Variants in FGL1 observed in about 807,000 individuals in gnomAD.
FGL1 encodes the protein fibrinogen like 1.
In FGL1, 59 loss-of-function variants were observed where a neutral mutation model predicts 43.7. The ratio of observed to expected loss-of-function variants is 1.35; its 90% CI spans 1.10 to 1.68. The LOEUF (loss-of-function observed/expected upper bound fraction) is 1.68. Among genes scored for constraint, FGL1 ranks in the 40% most tolerant of loss-of-function variants. FGL1 has a pLI of 0.00. For synonymous variants in FGL1, 192 were observed against 126.5 expected, an observed-to-expected ratio of 1.52 and a Z score of -3.48; for missense variants, 596 against 373.0, an observed-to-expected ratio of 1.60 and a Z score of -4.92.
intron 1 of FGL1, among the ~76,000 whole-genome samples, chr8:17,892,113 C>T (rs13253029): frequency 0.52 from 78,612 of 151,938 alleles, 23,123 homozygotes; most frequent in Non-Finnish European, 0.68. Flanking sequence ...AGCTATGTTG[C>T]TTTTTAAATT....
intron 5 of FGL1, among the ~76,000 whole-genome samples, chr8:17,872,096 G>C (rs190945180): frequency 1.3e-5 from 2 of 151,924 alleles, no homozygotes; most frequent in Non-Finnish European, 2.9e-5. Context: ...GAAAGGAAGC[G>C]TTATGTAAAT....
At chr8:17,888,564 A>G (rs1411978437) in intron 1 of FGL1, among the ~76,000 whole-genome samples, 1 of 152,198 alleles carries the variant, frequency 6.6e-6, no homozygotes, top group East Asian at 1.9e-4. Flanking sequence ...TTAGGAGCAA[A>G]TACATTTTCA....
chr8:17,871,130 G>T (rs17125769), intron 5 of FGL1, among the ~76,000 whole-genome samples: 1,646 of 152,148 alleles, frequency 0.011, 34 homozygotes, highest in African/African-American at 0.037. Context: ...AGGTAGTAAA[G>T]GTCACAGGAG....
chr8:17,882,431 G>T lies in FGL1; in HGVS notation c.64-252C>A, dbSNP rs1481570493. ...AAAATAATTGGAATCGCTATGCTAG[G>T]AGCTTTATAGTTGTCTCCTTTGATC... is the stretch of plus-strand genomic sequence containing the variant. On this transcript the variant is annotated intron_variant, in intron 2 of 7. Coordinates refer to ENST00000427924, the MANE Select transcript of FGL1 (RefSeq NM_004467.4). 3 of 330,876 alleles carry T rather than the reference G, an allele frequency of 9.1e-6. No homozygotes were observed. In the Admixed American group the frequency reaches 1.4e-4, roughly 15 times the overall value. The allele number at this position is 330,876 out of a possible 1,614,324, so 20.5% of individuals were successfully genotyped here. A position where few individuals can be genotyped will look rare whatever the true frequency, so the allele number is the denominator to read the frequency against.
At chr8:17,895,133 T>A (rs961531676) in intron 1 of FGL1, 6 of 255,438 alleles carry the variant, frequency 2.3e-5, no homozygotes, top group African/African-American at 1.4e-4. Context: ...TAGAAAGTCA[T>A]TATATTACTT....
intron 3 of FGL1, among the ~76,000 whole-genome samples, chr8:17,881,283 C>A (rs2053531374): frequency 6.6e-6 from 1 of 151,704 alleles, no homozygotes; most frequent in African/African-American, 2.4e-5. Flanking sequence ...ACTACAGGCA[C>A]CTGCCACCAC....
At chr8:17,865,514 C>T (rs2053258011) in intron 7 of FGL1, among the ~76,000 whole-genome samples, 1 of 152,156 alleles carries the variant, frequency 6.6e-6, no homozygotes, top group African/African-American at 2.4e-5. Flanking sequence ...AGTTTTGCCA[C>T]CCATCAACCA....
chr8:17,878,077 C>G (rs1228053945), intron 3 of FGL1, among the ~76,000 whole-genome samples: 1 of 152,126 alleles, frequency 6.6e-6, no homozygotes, highest in Non-Finnish European at 1.5e-5. Context: ...CTGCCTCAGC[C>G]TCCTGAGTAG....
chr8:17,886,145 C>T (rs1170152787), intron 1 of FGL1, among the ~76,000 whole-genome samples: 6 of 152,162 alleles, frequency 3.9e-5, no homozygotes, highest in Admixed American at 6.5e-5. Context: ...GTTGCTTCTA[C>T]GGAATTATTC....
intron 1 of FGL1, among the ~76,000 whole-genome samples, chr8:17,887,758 C>T (rs2053650709): frequency 6.6e-6 from 1 of 151,800 alleles, no homozygotes; most frequent in Non-Finnish European, 1.5e-5. Flanking sequence ...TTGCTTGAAC[C>T]TGGGAGGTGG....
intron 3 of FGL1, among the ~76,000 whole-genome samples, chr8:17,879,462 G>A (rs1038393995): frequency 9.9e-5 from 15 of 152,122 alleles, no homozygotes; most frequent in African/African-American, 3.4e-4. Flanking sequence ...GGCCTAGTGG[G>A]AGGCGATTGG....
At chr8:17,868,778 T>C (rs372661770) in intron 6 of FGL1, 43 bp from the exon 7 acceptor site, 46 of 1,546,708 alleles carry the variant, frequency 3.0e-5, no homozygotes, top group South Asian at 2.8e-4. Flanking sequence ...AGTTCCTCTA[T>C]GACCATTTTA....
chr8:17,882,708 T>C (rs1463535163), intron 2 of FGL1: 1 of 139,930 alleles, frequency 7.1e-6, no homozygotes, highest in Non-Finnish European at 1.5e-5. Context: ...ATGTATATTA[T>C]ATATTATATA....
rs994418749 is a variant in FGL1 at position 17,864,467 on chromosome 8, G to C, written c.*125C>G. On this transcript the variant is annotated 3_prime_UTR_variant, in exon 8 of 8. Transcript: ENST00000427924. ...AGCACATTAAGTAACAAAGGCAAGT[G>C]AGAAGAATGAAAAGCACTACTCACA... 1.0e-6 allele frequency: 1 copy of C among 999,330 alleles called. No homozygotes were observed. The highest frequency in any genetic ancestry group is 3.0e-5 in the Admixed American group (1 of 32,892). The allele number at this position is 999,330 out of a possible 1,614,324, so 61.9% of individuals were successfully genotyped here.
At chr8:17,872,267 A>G (rs993258916) in intron 5 of FGL1, among the ~76,000 whole-genome samples, 1 of 146,422 alleles carries the variant, frequency 6.8e-6, no homozygotes, top group Non-Finnish European at 1.5e-5. Flanking sequence ...CAGAACTTGG[A>G]TGGAACAAAG....
intron 5 of FGL1, among the ~76,000 whole-genome samples, chr8:17,873,060 G>A (rs1293587383): frequency 6.6e-6 from 1 of 152,094 alleles, no homozygotes; most frequent in Non-Finnish European, 1.5e-5. Flanking sequence ...GATGTATGTG[G>A]AAACATGGAC....
Position 17,868,391 on chromosome 8 carries a change from C to T in FGL1, c.779+157G>A, listed in dbSNP as rs74948390. Reference sequence around the variant, plus strand: ...GTACACAATGAACAAATCCTCAAAACGACTTCATTGCTGAAGAATTCTAAT... The same window carrying T: ...GTACACAATGAACAAATCCTCAAAATGACTTCATTGCTGAAGAATTCTAAT... On this transcript the variant is annotated intron_variant, in intron 7 of 7. Coordinates refer to ENST00000427924, the MANE Select transcript of FGL1 (RefSeq NM_004467.4). The T allele has an allele frequency of 2.6e-3, 1,307 of 499,102 alleles. 5 individuals carry two copies. Among genetic ancestry groups the T allele is most frequent in the Non-Finnish European group, 3.3e-3 (1,020 of 313,618 alleles). The allele number at this position is 499,102 out of a possible 1,614,324, so 30.9% of individuals were successfully genotyped here. A position where few individuals can be genotyped will look rare whatever the true frequency, so the allele number is the denominator to read the frequency against.
chr8:17,875,590 T>C (rs2053443205), intron 3 of FGL1, among the ~76,000 whole-genome samples: 6 of 99,364 alleles, frequency 6.0e-5, no homozygotes, highest in African/African-American at 1.8e-4. Context: ...TCTTTCTTTC[T>C]TTCTTTCTTT....
At chr8:17,864,780 C>A in intron 7 of FGL1, 29 bp from the exon 8 acceptor site, 1 of 1,426,134 alleles carries the variant, frequency 7.0e-7, no homozygotes, top group Non-Finnish European at 9.2e-7. Flanking sequence ...AAAAAGAAAA[C>A]AACAATCAGA....
Sources: gnomAD v4.1 joint callset for allele counts (sites outside exome capture counted in the v4.1 genomes callset) on GRCh38, gnomAD v4.1.1 for gene constraint, MANE v1.5 for transcripts, NCBI Gene and HGNC (gene_info 2026-07-23, HGNC 2026-07-21) for gene names.